RIMS2: variants seen among roughly 807,000 people sequenced by gnomAD.
The protein encoded by RIMS2 is regulating synaptic membrane exocytosis 2, also known as regulating synaptic membrane exocytosis protein 2.
RIMS2 carries 59 observed loss-of-function variants against 174.4 expected under a neutral mutation model. That is an observed-to-expected ratio of 0.34 (90% CI 0.27 to 0.42). The LOEUF (loss-of-function observed/expected upper bound fraction) is 0.42, where lower values mean the gene tolerates loss of function less well. Among genes scored for constraint, RIMS2 ranks in the 10% least tolerant of loss-of-function variants. RIMS2 has a pLI of 1.00. For synonymous variants in RIMS2, 606 were observed against 572.5 expected, an observed-to-expected ratio of 1.06 and a Z score of -0.84; for missense variants, 1,620 against 1,666.3, an observed-to-expected ratio of 0.97 and a Z score of 0.48.
At chr8:103,879,611 G>A (rs1330656888) in intron 3 of RIMS2, among the ~76,000 whole-genome samples, 1 of 151,378 alleles carries the variant, frequency 6.6e-6, no homozygotes, top group East Asian at 1.9e-4. Context: ...ATCTTTTCAA[G>A]ACCTACATTT....
intron 2 of RIMS2, among the ~76,000 whole-genome samples, chr8:103,739,985 A>G (rs776951383): frequency 6.6e-6 from 1 of 152,178 alleles, no homozygotes; most frequent in Non-Finnish European, 1.5e-5. Context: ...GTGGAAATAG[A>G]TTAAGATGCA....
intron 19 of RIMS2, among the ~76,000 whole-genome samples, chr8:104,225,260 C>T (rs1275144303): frequency 1.3e-5 from 2 of 152,056 alleles, no homozygotes; most frequent in Non-Finnish European, 2.9e-5. Flanking sequence ...GAAATTTGCC[C>T]AGGGTCACCA....
chr8:104,017,805 G>A (rs2095964151), intron 19 of RIMS2, among the ~76,000 whole-genome samples: 1 of 152,166 alleles, frequency 6.6e-6, no homozygotes, highest in African/African-American at 2.4e-5. Flanking sequence ...AGTGGCCCAC[G>A]TGGCTCACGT....
chr8:103,967,110 G>A (rs952624210), intron 15 of RIMS2, among the ~76,000 whole-genome samples: 20 of 144,802 alleles, frequency 1.4e-4, no homozygotes, highest in Non-Finnish European at 3.0e-4. Context: ...ATATTCAGTT[G>A]ATGGTGTTTT....
intron 17 of RIMS2, among the ~76,000 whole-genome samples, chr8:103,995,509 C>T (rs2095034926): frequency 6.6e-6 from 1 of 151,940 alleles, no homozygotes; most frequent in African/African-American, 2.4e-5. Context: ...GAATGATGAA[C>T]ATGAACAAAT....
chr8:103,712,613 A>C (rs2097320171), intron 2 of RIMS2, among the ~76,000 whole-genome samples: 1 of 152,184 alleles, frequency 6.6e-6, no homozygotes, highest in African/African-American at 2.4e-5. Flanking sequence ...TAATAATAGA[A>C]TCTATAATGA....
At chr8:103,807,325 C>T (rs2098656729) in intron 3 of RIMS2, among the ~76,000 whole-genome samples, 1 of 152,018 alleles carries the variant, frequency 6.6e-6, no homozygotes, top group African/African-American at 2.4e-5. Flanking sequence ...ACAGATAAGT[C>T]ATGGTAAAAA....
intron 19 of RIMS2, among the ~76,000 whole-genome samples, chr8:104,159,922 T>A (rs2098750739): frequency 6.6e-6 from 1 of 152,134 alleles, no homozygotes; most frequent in African/African-American, 2.4e-5. Context: ...GCCGATCAAC[T>A]GAGGTCAGGA....
At chr8:103,783,670 TGG>T (rs1234138053) in intron 3 of RIMS2, among the ~76,000 whole-genome samples, 3 of 152,088 alleles carry the variant, frequency 2.0e-5, no homozygotes, top group African/African-American at 7.2e-5. Flanking sequence ...TCTATCATTG[TGG>T]GACATTTGGG....
intron 1 of RIMS2, among the ~76,000 whole-genome samples, chr8:103,578,022 A>T (rs934188199): frequency 2.6e-5 from 4 of 152,228 alleles, no homozygotes; most frequent in African/African-American, 4.8e-5. Context: ...GATGTTCCAG[A>T]GGGAATTGAG....
rs151132535 is a variant in RIMS2, at chr8:103,846,960, T to C, written c.699-38338T>C. ...TAACGAGTCACTCCAGTGGCTAACC[T>C]GAATGTCAAACATATCCTCCCATAC... On this transcript the variant is annotated intron_variant, in intron 3 of 23. Coordinates refer to ENST00000504942, the Ensembl canonical transcript of RIMS2. Among the ~76,000 whole-genome samples, 76 of 152,274 alleles carry C rather than the reference T, an allele frequency of 5.0e-4. 1 individual carries two copies. The Middle Eastern group carries it at 0.017, about 34-fold the overall frequency.
intron 19 of RIMS2, among the ~76,000 whole-genome samples, chr8:104,071,799 T>C (rs1216187666): frequency 1.3e-5 from 2 of 152,188 alleles, no homozygotes; most frequent in African/African-American, 4.8e-5. Context: ...TGAGAATTAC[T>C]GCTCTAAGGT....
intron 3 of RIMS2, among the ~76,000 whole-genome samples, chr8:103,842,096 G>T (rs2098943393): frequency 6.6e-6 from 1 of 152,108 alleles, no homozygotes; most frequent in South Asian, 2.1e-4. Context: ...TGAGATTATG[G>T]TAATCAGAAG....
intron 17 of RIMS2, among the ~76,000 whole-genome samples, chr8:104,003,141 T>A (rs954006701): frequency 1.3e-5 from 2 of 152,140 alleles, no homozygotes; most frequent in Non-Finnish European, 2.9e-5. Context: ...ACACAACATA[T>A]TAAGGAACTA....
intron 2 of RIMS2, among the ~76,000 whole-genome samples, chr8:103,746,333 T>G (rs2097814532): frequency 6.6e-6 from 1 of 152,196 alleles, no homozygotes; most frequent in Non-Finnish European, 1.5e-5. Flanking sequence ...TCTCAGTCAT[T>G]ATAACTGTAG....
intron 1 of RIMS2, among the ~76,000 whole-genome samples, chr8:103,642,348 C>T (rs1369089196): frequency 1.3e-5 from 2 of 152,088 alleles, no homozygotes; most frequent in Non-Finnish European, 2.9e-5. Context: ...TTCACAATTC[C>T]TTTCTTCTGT....
At chr8:103,984,262 A>G (rs1336701710) in intron 16 of RIMS2, among the ~76,000 whole-genome samples, 2 of 152,162 alleles carry the variant, frequency 1.3e-5, no homozygotes, top group African/African-American at 4.8e-5. Context: ...TGAAGATACA[A>G]CCCACAGAAT....
chr8:103,706,239 T>A (rs1480024719), intron 2 of RIMS2, among the ~76,000 whole-genome samples: 1 of 152,144 alleles, frequency 6.6e-6, no homozygotes, highest in African/African-American at 2.4e-5. Flanking sequence ...TTTTGTTATC[T>A]CACATTTTAT....
chr8:103,939,514 G>GGCT (rs1485121883), intron 13 of RIMS2, among the ~76,000 whole-genome samples: 1 of 152,232 alleles, frequency 6.6e-6, no homozygotes, highest in Non-Finnish European at 1.5e-5. Context: ...TGTGATGGGA[G>GGCT]GGGCTGCCGT....
Sources: allele counts gnomAD v4.1 joint callset (sites outside exome capture counted in the v4.1 genomes callset), GRCh38; gene constraint gnomAD v4.1.1; transcripts MANE v1.5; gene names NCBI Gene and HGNC (gene_info 2026-07-23, HGNC 2026-07-21).